DYNC1I1: variants seen among roughly 807,000 people sequenced by gnomAD.
DYNC1I1 encodes cytoplasmic dynein 1 intermediate chain 1.
In DYNC1I1, 43 loss-of-function variants were observed where a neutral mutation model predicts 86.6. The observed-to-expected ratio is 0.50, with a 90% CI of 0.39 to 0.64. The LOEUF is 0.64. Ranked by LOEUF, DYNC1I1 falls within the 30% of genes least tolerant of loss-of-function variation. The pLI, the probability that DYNC1I1 is intolerant of heterozygous loss-of-function variation, is 0.00. For missense variants in DYNC1I1, 604 were observed against 788.8 expected (o/e 0.77, Z 2.81); for synonymous variants, 262 against 283.7 (o/e 0.92, Z 0.77).
At chr7:95,775,937 G>C (rs973641280) in intron 1 of DYNC1I1, among the ~76,000 whole-genome samples, 1 of 152,096 alleles carries the variant, frequency 6.6e-6, no homozygotes, top group African/African-American at 2.4e-5. Context: ...AACCCTTGAC[G>C]AGGTCCATGT....
intron 9 of DYNC1I1, among the ~76,000 whole-genome samples, chr7:95,993,776 G>GA (rs1056732449): frequency 3.3e-5 from 5 of 151,308 alleles, no homozygotes; most frequent in East Asian, 3.9e-4. Context: ...ATTTTTAATA[G>GA]AAAAAAAAGA....
At chr7:95,884,000 A>G (rs1017918609) in intron 6 of DYNC1I1, among the ~76,000 whole-genome samples, 2 of 152,224 alleles carry the variant, frequency 1.3e-5, no homozygotes, top group African/African-American at 4.8e-5. Context: ...AACTTTATAG[A>G]GGGAGTCAAT....
At chr7:96,076,433 C>CT (rs1790343101) in intron 15 of DYNC1I1, among the ~76,000 whole-genome samples, 2 of 152,160 alleles carry the variant, frequency 1.3e-5, no homozygotes, top group African/African-American at 4.8e-5. Context: ...ATTAACGACC[C>CT]TTTTTTGCAA....
At chr7:95,991,336 ATTC>A (rs1793724969) in intron 9 of DYNC1I1, among the ~76,000 whole-genome samples, 1 of 152,222 alleles carries the variant, frequency 6.6e-6, no homozygotes, top group Non-Finnish European at 1.5e-5. Context: ...TATTGGACAT[ATTC>A]TTCTTCACTG....
At chr7:95,822,571 C>A (rs2706877) in intron 4 of DYNC1I1, among the ~76,000 whole-genome samples, 1 of 151,808 alleles carries the variant, frequency 6.6e-6, no homozygotes, top group African/African-American at 2.4e-5. Flanking sequence ...CCAATCCAAC[C>A]CTGGGACCAT....
chr7:95,972,767 G>A (rs906503423), intron 6 of DYNC1I1, among the ~76,000 whole-genome samples: 1 of 152,160 alleles, frequency 6.6e-6, no homozygotes, highest in African/African-American at 2.4e-5. Context: ...TGGAGCTCAG[G>A]CAAAGGGTCG....
intron 6 of DYNC1I1, among the ~76,000 whole-genome samples, chr7:95,916,757 A>C (rs1791479085): frequency 6.6e-6 from 1 of 152,278 alleles, no homozygotes; most frequent in Admixed American, 6.5e-5. Context: ...GCTGCACAAA[A>C]AATGGCCAGT....
At chr7:96,008,872 G>A (rs1038836093) in intron 10 of DYNC1I1, among the ~76,000 whole-genome samples, 2 of 152,078 alleles carry the variant, frequency 1.3e-5, no homozygotes, top group African/African-American at 4.8e-5. Flanking sequence ...GAGACTTTCT[G>A]CATTTTTCTT....
intron 6 of DYNC1I1, among the ~76,000 whole-genome samples, chr7:95,923,305 C>G (rs918168073): frequency 6.6e-6 from 1 of 151,960 alleles, no homozygotes; most frequent in Non-Finnish European, 1.5e-5. Context: ...TGTGAAAACC[C>G]AATGACCATT....
intron 6 of DYNC1I1, among the ~76,000 whole-genome samples, chr7:95,889,502 G>C (rs777674205): frequency 4.6e-5 from 7 of 152,144 alleles, no homozygotes; most frequent in Non-Finnish European, 8.8e-5. Context: ...AGCCCTGAAA[G>C]TTAACCTAGG....
intron 13 of DYNC1I1, 142 bp from the exon 14 acceptor site, chr7:96,039,135 A>G: frequency 1.1e-6 from 1 of 909,598 alleles, no homozygotes; most frequent in Non-Finnish European, 1.6e-6. Flanking sequence ...GATAACTGTA[A>G]AAATGATTTC....
intron 10 of DYNC1I1, among the ~76,000 whole-genome samples, chr7:96,027,233 C>T (rs1477972646): frequency 6.6e-6 from 1 of 152,162 alleles, no homozygotes; most frequent in African/African-American, 2.4e-5. Flanking sequence ...CTTCCTTATA[C>T]ATGGTAAGTT....
chr7:95,923,281 T>C (rs1443769701), intron 6 of DYNC1I1, among the ~76,000 whole-genome samples: 2 of 152,268 alleles, frequency 1.3e-5, no homozygotes, highest in East Asian at 3.9e-4. Flanking sequence ...GGACAAGAAC[T>C]CTGACTTATT....
At position 95,895,650 on chromosome 7, in the gene DYNC1I1, AT is replaced by A. The variant is rs1401236705; in HGVS notation, c.490+25655del. On this transcript the variant is annotated intron_variant, in intron 6 of 16. Transcript: ENST00000447467. ...GAACTCGAATAAGAAAATCATTCGA[AT>A]TTGCTTTTTGTCTAACATCATTTCC... Among the ~76,000 whole-genome samples the A allele has an allele frequency of 3.3e-5, 5 of 152,310 alleles. No homozygotes were observed. The South Asian group carries it at 1.0e-3, about 32-fold the overall frequency.
At chr7:95,951,807 A>G (rs1025288173) in intron 6 of DYNC1I1, among the ~76,000 whole-genome samples, 36 of 152,164 alleles carry the variant, frequency 2.4e-4, no homozygotes, top group African/African-American at 6.0e-4. Context: ...AAGCTCATTC[A>G]TGCTTCTTAC....
intron 14 of DYNC1I1, among the ~76,000 whole-genome samples, chr7:96,059,758 G>A (rs1032752828): frequency 6.6e-6 from 1 of 152,126 alleles, no homozygotes; most frequent in Non-Finnish European, 1.5e-5. Context: ...AGGACAGAGG[G>A]AGCAAGTGTT....
intron 16 of DYNC1I1, among the ~76,000 whole-genome samples, chr7:96,106,055 G>C (rs916950792): frequency 6.6e-6 from 1 of 152,178 alleles, no homozygotes; most frequent in African/African-American, 2.4e-5. Flanking sequence ...GGTCTTGCTA[G>C]GAGAGTTATT....
rs1200258551 is a variant in DYNC1I1 at position 95,804,351 on chromosome 7, T to C, written c.-9-370T>C. 3.1e-6 allele frequency: 4 copies of C among 1,276,912 alleles called. No homozygotes were observed. The East Asian group carries it at 2.2e-4, about 71-fold the overall frequency. The allele number at this position is 1,276,912 out of a possible 1,614,324, so 79.1% of individuals were successfully genotyped here. On this transcript the variant is annotated intron_variant, in intron 1 of 16. Coordinates refer to ENST00000447467, the MANE Select transcript of DYNC1I1 (RefSeq NM_001135556.2). The stretch of plus-strand genomic sequence containing the variant: ...GTGGGGATGAATTGCTCCATTATCA[T>C]CTAAATTGGAAGTCATGATGATGGT...
intron 10 of DYNC1I1, among the ~76,000 whole-genome samples, chr7:96,027,941 G>A (rs145572026): frequency 6.6e-6 from 1 of 152,298 alleles, no homozygotes; most frequent in East Asian, 1.9e-4. Context: ...AAATGGACAG[G>A]ACTTCAAATT....
Sources: gnomAD v4.1 joint callset for allele counts (sites outside exome capture counted in the v4.1 genomes callset) on GRCh38, gnomAD v4.1.1 for gene constraint, MANE v1.5 for transcripts, NCBI Gene and HGNC (gene_info 2026-07-23, HGNC 2026-07-21) for gene names.